Variants in RERE observed in about 807,000 individuals in gnomAD.
RERE encodes arginine-glutamic acid dipeptide repeats protein.
Under a neutral mutation model 146.1 loss-of-function variants are expected in RERE, and 40 were observed. The observed-to-expected ratio is 0.27, with a 90% CI of 0.21 to 0.36. The LOEUF is 0.36. Ranked by LOEUF, RERE falls within the 10% of genes least tolerant of loss-of-function variation. The probability of loss-of-function intolerance (pLI) is 1.00; values close to 1 mark genes in which losing one functional copy is unlikely to be tolerated. For synonymous variants in RERE, 1,003 were observed against 866.0 expected (o/e 1.16, Z -2.78); for missense variants, 1,933 against 2,138.7 (o/e 0.90, Z 1.90).
intron 1 of RERE, among the ~76,000 whole-genome samples, chr1:8,775,640 A>G (rs1641049678): frequency 6.6e-6 from 1 of 152,140 alleles, no homozygotes; most frequent in Non-Finnish European, 1.5e-5. Context: ...CCTTAACGGT[A>G]TTTTCTAGCA....
intron 4 of RERE, among the ~76,000 whole-genome samples, chr1:8,604,576 AGAAGGAAG>A (rs1162451160): frequency 5.8e-4 from 62 of 106,798 alleles, no homozygotes; most frequent in African/African-American, 1.0e-3. Context: ...GTTTAAAAAA[AGAAGGAAG>A]GAAGGAAGGA....
intron 11 of RERE, among the ~76,000 whole-genome samples, chr1:8,437,928 T>C (rs1280327917): frequency 2.7e-5 from 4 of 150,164 alleles, no homozygotes; most frequent in African/African-American, 7.4e-5. Context: ...GTTTGTGATA[T>C]TTGAGATGCT....
At chr1:8,444,805 C>T (rs1224967939) in intron 11 of RERE, among the ~76,000 whole-genome samples, 1 of 152,008 alleles carries the variant, frequency 6.6e-6, no homozygotes, top group Admixed American at 6.5e-5. Context: ...GTTCCCGCTT[C>T]AGCTTCCGCC....
chr1:8,808,076 C>G (rs1291485165), intron 1 of RERE, among the ~76,000 whole-genome samples: 3 of 146,546 alleles, frequency 2.0e-5, no homozygotes, highest in Non-Finnish European at 3.0e-5. Flanking sequence ...CCCTCAAGAT[C>G]GAGGCTGCAA....
At chr1:8,491,262 G>A (rs1333450470) in intron 10 of RERE, among the ~76,000 whole-genome samples, 3 of 151,440 alleles carry the variant, frequency 2.0e-5, no homozygotes, top group South Asian at 2.1e-4. Context: ...CCAACATGGC[G>A]AAACCCTGTC....
At chr1:8,528,404 T>A (rs1570394585) in intron 7 of RERE, among the ~76,000 whole-genome samples, 1 of 146,522 alleles carries the variant, frequency 6.8e-6, no homozygotes, top group East Asian at 2.0e-4. Context: ...TATTGGACTA[T>A]ATCATATTGT....
intron 7 of RERE, among the ~76,000 whole-genome samples, chr1:8,529,614 T>TCATGGC (rs2124362882): frequency 6.6e-6 from 1 of 152,126 alleles, no homozygotes; most frequent in Admixed American, 6.5e-5. Flanking sequence ...CCATCAGCTC[T>TCATGGC]CATGGCATCT....
At chr1:8,674,806 T>C (rs1638797852) in intron 1 of RERE, among the ~76,000 whole-genome samples, 1 of 152,238 alleles carries the variant, frequency 6.6e-6, no homozygotes, top group East Asian at 1.9e-4. Flanking sequence ...CACAAAAATA[T>C]CAGAAGCTCA....
intron 10 of RERE, among the ~76,000 whole-genome samples, chr1:8,470,064 T>C (rs975525198): frequency 1.3e-5 from 2 of 152,294 alleles, no homozygotes; most frequent in Admixed American, 1.3e-4. Context: ...GTTCTCTATA[T>C]AATGGCGGAT....
At chr1:8,786,137 TGA>T (rs2124566718) in intron 1 of RERE, 1 of 488,766 alleles carries the variant, frequency 2.0e-6, no homozygotes. Flanking sequence ...TTTTTCAACT[TGA>T]GAGCAGCTAC....
At chr1:8,667,160 TCA>T (rs1638593874) in intron 1 of RERE, among the ~76,000 whole-genome samples, 1 of 152,164 alleles carries the variant, frequency 6.6e-6, no homozygotes, top group Non-Finnish European at 1.5e-5. Context: ...ATAAGGCTTC[TCA>T]ATTTCTTCCA....
At chr1:8,647,677 GTC>G (rs61318022) in intron 2 of RERE, among the ~76,000 whole-genome samples, 9 of 149,874 alleles carry the variant, frequency 6.0e-5, no homozygotes, top group African/African-American at 1.7e-4. Context: ...GTGTGTGTGT[GTC>G]CCCTGGAACA....
intron 10 of RERE, among the ~76,000 whole-genome samples, chr1:8,486,768 A>G (rs544383947): frequency 2.0e-5 from 3 of 150,728 alleles, no homozygotes; most frequent in African/African-American, 2.4e-5. Context: ...AAAAAAAAAA[A>G]AAAAGAAAAG....
chr1:8,563,279 A>G lies in RERE; in HGVS notation c.523-5756T>C, dbSNP rs566884740. Among the ~76,000 whole-genome samples the G allele has an allele frequency of 3.3e-5, 5 of 152,348 alleles. No individual in the cohort carries two copies. The South Asian group carries it at 1.0e-3, about 32-fold the overall frequency. On this transcript the variant is annotated intron_variant, in intron 4 of 22. Transcript: ENST00000400908. ...CCTCAGGGCAATGTTTTTCCACAACATAAAAATAGTAATAATAATCGAGGG... is the reference window on the plus strand; with the variant it reads ...CCTCAGGGCAATGTTTTTCCACAACGTAAAAATAGTAATAATAATCGAGGG...
At chr1:8,766,830 G>C (rs1640859478) in intron 1 of RERE, among the ~76,000 whole-genome samples, 1 of 152,200 alleles carries the variant, frequency 6.6e-6, no homozygotes, top group Non-Finnish European at 1.5e-5. Flanking sequence ...TAAGGACTTA[G>C]AGAAGGTTTT....
chr1:8,610,351 G>A (rs372525304), intron 4 of RERE, among the ~76,000 whole-genome samples: 1 of 152,060 alleles, frequency 6.6e-6, no homozygotes, highest in East Asian at 1.9e-4. Context: ...AGCACTTTGG[G>A]AGGCCGAGGC....
chr1:8,624,279 G>A lies in RERE; in HGVS notation c.396+31C>T, dbSNP rs745940772. ...GAACTGGAAAAAGAGAGAATACAGAGCAGAGTGAACAGCACATTAAAAACG... is the reference window on the plus strand; with the variant it reads ...GAACTGGAAAAAGAGAGAATACAGAACAGAGTGAACAGCACATTAAAAACG... On this transcript the variant is annotated intron_variant, in intron 3 of 22. Transcript: ENST00000400908. 21 of 1,493,340 alleles carry A rather than the reference G, an allele frequency of 1.4e-5. No individual in the cohort carries two copies. In the East Asian group the frequency reaches 2.0e-4, roughly 14 times the overall value. 92.5% of individuals were successfully genotyped at this position (1,493,340 alleles called of 1,614,324 possible).
chr1:8,619,256 C>A (rs528701867), intron 3 of RERE, among the ~76,000 whole-genome samples: 1 of 152,236 alleles, frequency 6.6e-6, no homozygotes, highest in African/African-American at 2.4e-5. Context: ...TATGTCGAGC[C>A]CAGCTAACCA....
intron 1 of RERE, among the ~76,000 whole-genome samples, chr1:8,793,174 A>AAAAAAAAAAAG (rs756022312): frequency 3.1e-5 from 4 of 127,056 alleles, no homozygotes; most frequent in Non-Finnish European, 4.8e-5. Flanking sequence ...AAAAAAAAAA[A>AAAAAAAAAAAG]AAAGAAAGAA....
Sources: allele counts gnomAD v4.1 joint callset (sites outside exome capture counted in the v4.1 genomes callset), GRCh38; gene constraint gnomAD v4.1.1; transcripts MANE v1.5; gene names NCBI Gene and HGNC (gene_info 2026-07-23, HGNC 2026-07-21).